The following RPS6KB1 variants were observed in gnomAD, a reference collection of about 807,000 sequenced individuals.
RPS6KB1 encodes ribosomal protein S6 kinase beta-1.
Under a neutral mutation model 70.2 loss-of-function variants are expected in RPS6KB1, and 12 were observed. The ratio of observed to expected loss-of-function variants is 0.17; its 90% CI spans 0.11 to 0.28. RPS6KB1 has a LOEUF of 0.28. Among genes scored for constraint, RPS6KB1 ranks in the 10% least tolerant of loss-of-function variants. RPS6KB1 has a pLI of 1.00. For missense variants in RPS6KB1, 270 were observed against 646.6 expected, an observed-to-expected ratio of 0.42 and a Z score of 6.32; for synonymous variants, 175 against 211.2, an observed-to-expected ratio of 0.83 and a Z score of 1.49.
intron 1 of RPS6KB1, among the ~76,000 whole-genome samples, chr17:59,905,708 A>G (rs1051675353): frequency 4.0e-5 from 6 of 151,712 alleles, no homozygotes; most frequent in East Asian, 1.9e-4. Flanking sequence ...GTTTCACCAC[A>G]TTGGCCTGGC....
Position 59,947,089 on chromosome 17 carries a change from G to T in RPS6KB1, c.*301G>T. 1 of 1,201,612 alleles carries T rather than the reference G, an allele frequency of 8.3e-7. No homozygotes were observed. Among genetic ancestry groups the T allele is most frequent in the Non-Finnish European group, 1.0e-6 (1 of 960,084 alleles). 74.4% of individuals were successfully genotyped at this position (1,201,612 alleles called of 1,614,324 possible). A position where few individuals can be genotyped will look rare whatever the true frequency, so the allele number is the denominator to read the frequency against. On this transcript the variant is annotated 3_prime_UTR_variant, in exon 15 of 15. Transcript: ENST00000225577. ...ATGACTCGAAACTGACAGTATTAAGGGTAGGATGTTGCTTCTGAATCACTG... is the reference window on the plus strand; with the variant it reads ...ATGACTCGAAACTGACAGTATTAAGTGTAGGATGTTGCTTCTGAATCACTG...
chr17:59,923,533 T>C (rs550915029), intron 4 of RPS6KB1, among the ~76,000 whole-genome samples: 1 of 152,142 alleles, frequency 6.6e-6, no homozygotes, highest in East Asian at 1.9e-4. Flanking sequence ...ATTTTTGAGA[T>C]GGAGTCTCGC....
At chr17:59,911,147 A>G (rs950593668) in intron 2 of RPS6KB1, among the ~76,000 whole-genome samples, 2 of 152,224 alleles carry the variant, frequency 1.3e-5, no homozygotes, top group African/African-American at 4.8e-5. Flanking sequence ...GCCGGGCGAC[A>G]TAGCGAGACT....
rs565145190 is a variant in RPS6KB1 at position 59,916,155 on chromosome 17, C to A, written c.381+1452C>A. On this transcript the variant is annotated intron_variant, in intron 4 of 14. Coordinates refer to ENST00000225577, the MANE Select transcript of RPS6KB1 (RefSeq NM_003161.4). ...TCACTCTGTTGCCCAGGCTGGAGTG[C>A]AGTGGCGTGATCTCAGCTCACTGCA... Among the ~76,000 whole-genome samples the A allele has an allele frequency of 9.0e-4, 137 of 151,978 alleles. 2 individuals carry two copies. Among genetic ancestry groups the A allele is most frequent in the Middle Eastern group, 6.8e-3 (2 of 294 alleles).
At chr17:59,899,560 C>T (rs1045422343) in intron 1 of RPS6KB1, among the ~76,000 whole-genome samples, 2 of 152,144 alleles carry the variant, frequency 1.3e-5, no homozygotes, top group African/African-American at 4.8e-5. Context: ...CCAGTTTTAT[C>T]ACATCTGGAA....
Position 59,949,139 on chromosome 17 carries a change from C to G in RPS6KB1, c.*2351C>G, listed in dbSNP as rs1485463458. ...TGCACAGCTACCATCCACACAAATA[C>G]ATAGTTTTTCTGACTTCACATTTAT... On this transcript the variant is annotated 3_prime_UTR_variant, in exon 15 of 15. Coordinates refer to ENST00000225577, the MANE Select transcript of RPS6KB1 (RefSeq NM_003161.4). The G allele has an allele frequency of 1.3e-5, 2 of 152,576 alleles. No homozygotes were observed. The highest frequency in any genetic ancestry group is 2.9e-5 in the Non-Finnish European group (2 of 68,000). 9.5% of individuals were successfully genotyped at this position (152,576 alleles called of 1,614,324 possible).
chr17:59,902,395 G>A (rs930672187), intron 1 of RPS6KB1, among the ~76,000 whole-genome samples: 1 of 151,968 alleles, frequency 6.6e-6, no homozygotes, highest in African/African-American at 2.4e-5. Context: ...GTGAGCCACA[G>A]CATAAAGTTT....
chr17:59,933,658 C>G (rs2044074223), intron 7 of RPS6KB1, among the ~76,000 whole-genome samples: 2 of 152,186 alleles, frequency 1.3e-5, no homozygotes, highest in African/African-American at 4.8e-5. Context: ...CTTTCTTTCC[C>G]CTAATTGGTA....
intron 1 of RPS6KB1, among the ~76,000 whole-genome samples, chr17:59,908,920 ATT>A (rs1405952501): frequency 2.7e-4 from 27 of 101,672 alleles, no homozygotes; most frequent in Non-Finnish European, 3.9e-4. Context: ...GCCCGGCCAA[ATT>A]TTTTTTTTTT....
In RPS6KB1 at chr17:59,936,477, T is replaced by G; in HGVS notation, c.1055T>G (p.Phe352Cys). The change falls in exon 12 of 15, where the codon TTT becomes TGT. Residue 352 changes from phenylalanine (F) to cysteine (C), a missense_variant. Physicochemically the swap from Phe to Cys is radical, Grantham distance 205 (BLOSUM62 -2). Transcript: ENST00000225577. ...DAGEVQAHPF[F>C]RHINWEELLA... is the part of the protein sequence containing the mutation. ...TTTTTTTCCTAGGCTCATCCATTCT[T>G]TAGACACATTAACTGGGAAGAACTT... The G allele has an allele frequency of 6.2e-7, 1 of 1,613,924 alleles. No homozygotes were observed.
chr17:59,904,698 G>GTTTT (rs950470089), intron 1 of RPS6KB1, among the ~76,000 whole-genome samples: 2 of 122,662 alleles, frequency 1.6e-5, no homozygotes, highest in African/African-American at 3.0e-5. Flanking sequence ...CTGGCATTCT[G>GTTTT]TTTTTTTTTT....
Position 59,945,557 on chromosome 17 carries a change from A to G in RPS6KB1, c.1340+39A>G, listed in dbSNP as rs748387057. 5 of 1,085,424 alleles carry G rather than the reference A, an allele frequency of 4.6e-6. No homozygotes were observed. In the African/African-American group the frequency reaches 7.8e-5, roughly 17 times the overall value. The allele number at this position is 1,085,424 out of a possible 1,614,324, so 67.2% of individuals were successfully genotyped here. A position where few individuals can be genotyped will look rare whatever the true frequency, so the allele number is the denominator to read the frequency against. The stretch of plus-strand genomic sequence containing the variant: ...TTATTTTCACTTTTTTTTGTTTTTA[A>G]ACAACCTACAAGAGTGTTTGCTTAA... On this transcript the variant is annotated intron_variant, in intron 14 of 14. Coordinates refer to ENST00000225577, the MANE Select transcript of RPS6KB1 (RefSeq NM_003161.4).
chr17:59,912,635 G>C (rs2144792595), intron 2 of RPS6KB1, 49 bp from the exon 3 acceptor site: 1 of 1,590,814 alleles, frequency 6.3e-7, no homozygotes, highest in Non-Finnish European at 8.6e-7. Flanking sequence ...TATGCTGAAA[G>C]TAATTTAACT....
chr17:59,933,273 C>T (rs560628617), intron 7 of RPS6KB1, among the ~76,000 whole-genome samples: 1 of 151,350 alleles, frequency 6.6e-6, no homozygotes, highest in South Asian at 2.1e-4. Context: ...CTCTTCCTTC[C>T]TCTCATCAAC....
At position 59,893,280 on chromosome 17, in the gene RPS6KB1, G is replaced by C. The variant is rs1568352314; in HGVS notation, c.96G>C (p.Leu32=). Residue 32 remains leucine (L), a synonymous_variant, in exon 1 of 15, where the codon CTG becomes CTC. Transcript: ENST00000225577. The surrounding 1 kb of genome is among the most constrained non-coding windows in gnomAD (Gnocchi z 4.1). ...TGGCAGGAGTGTTTGACATAGACCT[G>C]GACCAGCCAGAGGACGCGGGCTCTG... ...EDMAGVFDID[L]DQPEDAGSED... is the part of the protein sequence containing the mutation. 8 of 1,612,034 alleles carry C rather than the reference G, an allele frequency of 5.0e-6. No individual in the cohort carries two copies. The highest frequency in any genetic ancestry group is 6.8e-6 in the Non-Finnish European group (8 of 1,179,336).
intron 1 of RPS6KB1, among the ~76,000 whole-genome samples, chr17:59,906,309 T>C (rs1453446135): frequency 2.0e-5 from 3 of 152,174 alleles, no homozygotes; most frequent in Non-Finnish European, 4.4e-5. Context: ...CCTCCACCTT[T>C]GTTCTTTTTC....
At position 59,893,749 on chromosome 17, in the gene RPS6KB1, G is replaced by A; in HGVS notation, c.141+424G>A. The A allele has an allele frequency of 2.0e-6, 2 of 994,458 alleles. No individual in the cohort carries two copies. The highest frequency in any genetic ancestry group is 2.4e-6 in the Non-Finnish European group (2 of 834,494). The allele number at this position is 994,458 out of a possible 1,614,324, so 61.6% of individuals were successfully genotyped here. A position where few individuals can be genotyped will look rare whatever the true frequency, so the allele number is the denominator to read the frequency against. On this transcript the variant is annotated intron_variant, in intron 1 of 14. Coordinates refer to ENST00000225577, the MANE Select transcript of RPS6KB1 (RefSeq NM_003161.4). This position sits in a 1 kb window ranked among gnomAD's most constrained non-coding sequence, Gnocchi z 4.1. The stretch of plus-strand genomic sequence containing the variant: ...TAGAATTTCAAGTATTGAATCTTCA[G>A]ACCTCCCACAACCACCTCTCTTCTC...
In RPS6KB1 at chr17:59,934,670, C is replaced by A; in HGVS notation, c.870+146C>A. 1 of 601,112 alleles carries A rather than the reference C, an allele frequency of 1.7e-6. No homozygotes were observed. Among genetic ancestry groups the A allele is most frequent in the Non-Finnish European group, 2.9e-6 (1 of 339,768 alleles). 37.2% of individuals were successfully genotyped at this position (601,112 alleles called of 1,614,324 possible). On this transcript the variant is annotated intron_variant, in intron 9 of 14. Transcript: ENST00000225577. The surrounding 1 kb of genome is among the most constrained non-coding windows in gnomAD (Gnocchi z 4.8). ...TATTAGCAGTTTAACACTAATAATG[C>A]TGTATGATTATATGGGATCCCATAC... is the stretch of plus-strand genomic sequence containing the variant.
Position 59,946,706 on chromosome 17 carries a change from G to A in RPS6KB1, c.1496G>A (p.Arg499Gln), listed in dbSNP as rs774592527. Residue 499 changes from arginine to glutamine, a missense_variant, in exon 15 of 15, where the codon CGA (arginine) becomes CAA (glutamine). Coordinates refer to ENST00000225577, the MANE Select transcript of RPS6KB1 (RefSeq NM_003161.4). This position sits in a 1 kb window ranked among gnomAD's most constrained non-coding sequence, Gnocchi z 4.2. ...GAAGCATCGGCACCACTTCCAATAC[G>A]ACAGCCGAACTCTGGGCCATACAAA... ...SGEASAPLPI[R>Q]QPNSGPYKKQ... 19 of 1,614,092 alleles carry A rather than the reference G, an allele frequency of 1.2e-5. No individual in the cohort carries two copies. The highest frequency in any genetic ancestry group is 1.5e-5 in the Non-Finnish European group (18 of 1,179,996).
Sources: allele counts gnomAD v4.1 joint callset (sites outside exome capture counted in the v4.1 genomes callset), GRCh38; gene constraint gnomAD v4.1.1; non-coding constraint Gnocchi (gnomAD v3.1); transcripts MANE v1.5; gene names NCBI Gene and HGNC (gene_info 2026-07-23, HGNC 2026-07-21).